SV2B: variants seen among roughly 807,000 people sequenced by gnomAD.
The protein encoded by SV2B is solute carrier family 22 member B2.
Under a neutral mutation model 73.9 loss-of-function variants are expected in SV2B, and 41 were observed. The ratio of observed to expected loss-of-function variants is 0.56; its 90% CI spans 0.43 to 0.72. The LOEUF is 0.72. Among genes scored for constraint, SV2B ranks in the 30% least tolerant of loss-of-function variants. The pLI, the probability that SV2B is intolerant of heterozygous loss-of-function variation, is 0.00. For synonymous variants in SV2B, 314 were observed against 314.2 expected, an observed-to-expected ratio of 1.00 and a Z score of 0.01; for missense variants, 764 against 857.8, an observed-to-expected ratio of 0.89 and a Z score of 1.37.
At chr15:91,102,097 A>G (rs1012682892) in intron 1 of SV2B, 1 of 152,228 alleles carries the variant, frequency 6.6e-6, no homozygotes, top group African/African-American at 2.4e-5. Context: ...AGGGAAAACT[A>G]AAGCTGTTAC....
rs188113760 is a variant in SV2B, at chr15:91,233,132, G to A, written c.451+6418G>A. 9.9e-5 allele frequency among the ~76,000 whole-genome samples: 15 copies of A among 152,092 alleles called. No homozygotes were observed. The East Asian group carries it at 1.7e-3, about 18-fold the overall frequency. ...CGTTGATGGGCACTTATGTTGATTC[G>A]ACGTTAAAGACCCTTTTGACTCTAT... On this transcript the variant is annotated intron_variant, in intron 2 of 12. Coordinates refer to ENST00000394232, the MANE Select transcript of SV2B (RefSeq NM_001323032.3).
rs545906239 is a variant in SV2B at position 91,224,125 on chromosome 15, G to A, written c.-391-1748G>A. Among the ~76,000 whole-genome samples the A allele has an allele frequency of 2.0e-5, 3 of 152,380 alleles. No homozygotes were observed. Among genetic ancestry groups the A allele is most frequent in the East Asian group, 3.9e-4 (2 of 5,192 alleles). On this transcript the variant is annotated intron_variant, in intron 1 of 12. Coordinates refer to ENST00000394232, the MANE Select transcript of SV2B (RefSeq NM_001323032.3). This position sits in a 1 kb window ranked among gnomAD's most constrained non-coding sequence, Gnocchi z 4.9. ...GAAGACCAGGAGGGCCAGGAAGCAG[G>A]TGTGGGGCAGAGGGCCCAGGGATGG... is the stretch of plus-strand genomic sequence containing the variant.
chr15:91,174,962 A>T (rs11858835), intron 1 of SV2B, among the ~76,000 whole-genome samples: 1 of 151,946 alleles, frequency 6.6e-6, no homozygotes, highest in Non-Finnish European at 1.5e-5. Context: ...GAGATGGATC[A>T]CCATGAAGTT....
chr15:91,284,218 A>G lies in SV2B; in HGVS notation c.1705A>G (p.Ile569Val). The G allele has an allele frequency of 6.2e-7, 1 of 1,614,124 alleles. No homozygotes were observed. The highest frequency in any genetic ancestry group is 8.5e-7 in the Non-Finnish European group (1 of 1,179,988). Residue 569 changes from isoleucine (I) to valine (V), a missense_variant, in exon 11 of 13, where the codon ATT becomes GTT. By Grantham distance (29) the Ile-to-Val change is conservative. Coordinates refer to ENST00000394232, the MANE Select transcript of SV2B (RefSeq NM_001323032.3). This position sits in a 1 kb window ranked among gnomAD's most constrained non-coding sequence, Gnocchi z 4.5. ...LMDRIGRLKM[I>V]GGSMLISAVC... ...GGATAGAATTGGAAGGCTCAAGATG[A>G]TTGGTGAGTTGCCAGCAGGGTCATT...
chr15:91,099,662 C>G (rs138485645), upstream of SV2B, among the ~76,000 whole-genome samples: 1 of 152,322 alleles, frequency 6.6e-6, no homozygotes, highest in East Asian at 1.9e-4. Context: ...CCAAGCCTTG[C>G]AGGCTTTCCT....
At chr15:91,190,110 C>T (rs1280828214) in intron 1 of SV2B, among the ~76,000 whole-genome samples, 2 of 152,046 alleles carry the variant, frequency 1.3e-5, no homozygotes, top group East Asian at 1.9e-4. Flanking sequence ...AAGAGAAATG[C>T]TATTTTTTTA....
Position 91,289,027 on chromosome 15 carries a change from C to T in SV2B, c.1709-494C>T, listed in dbSNP as rs1242437386. Among the ~76,000 whole-genome samples, 1 of 152,208 alleles carries T rather than the reference C, an allele frequency of 6.6e-6. No individual in the cohort carries two copies. The highest frequency in any genetic ancestry group is 1.5e-5 in the Non-Finnish European group (1 of 68,038). On this transcript the variant is annotated intron_variant, in intron 11 of 12. Coordinates refer to ENST00000394232, the MANE Select transcript of SV2B (RefSeq NM_001323032.3). This position sits in a 1 kb window ranked among gnomAD's most constrained non-coding sequence, Gnocchi z 4.9. ...ATGTAAACCACATTTTCTTTATCCA[C>T]TCATCTGTTGATGGCCACTTAGGTT...
intron 1 of SV2B, among the ~76,000 whole-genome samples, chr15:91,148,049 C>T (rs190743920): frequency 3.5e-4 from 45 of 128,372 alleles, no homozygotes; most frequent in African/African-American, 1.2e-3. Flanking sequence ...GGTGCAATCT[C>T]GGCTCACTGC....
chr15:91,161,657 A>T (rs1230436761), intron 1 of SV2B, among the ~76,000 whole-genome samples: 1 of 152,212 alleles, frequency 6.6e-6, no homozygotes, highest in African/African-American at 2.4e-5. Flanking sequence ...GAACTGAGGC[A>T]TAGGAAGGTT....
rs899672375 is a variant in SV2B, at chr15:91,283,813, T to G, written c.1508-208T>G. On this transcript the variant is annotated intron_variant, in intron 10 of 12. Coordinates refer to ENST00000394232, the MANE Select transcript of SV2B (RefSeq NM_001323032.3). This position sits in a 1 kb window ranked among gnomAD's most constrained non-coding sequence, Gnocchi z 4.3. The stretch of plus-strand genomic sequence containing the variant: ...TTAATTTCCCCTTGCTTTTAGGAAC[T>G]TGAACAGGTCATTACATTTTTGGAA... 2.0e-5 allele frequency among the ~76,000 whole-genome samples: 3 copies of G among 148,420 alleles called. No homozygotes were observed. The highest frequency in any genetic ancestry group is 4.5e-5 in the Non-Finnish European group (3 of 67,200).
intron 1 of SV2B, among the ~76,000 whole-genome samples, chr15:91,225,087 T>A (rs1031898326): frequency 2.6e-5 from 4 of 152,366 alleles, no homozygotes; most frequent in African/African-American, 4.8e-5. Flanking sequence ...TAAGTACTAT[T>A]GTTATCCCAT....
At chr15:91,286,768 C>T (rs2048874216) in intron 11 of SV2B, among the ~76,000 whole-genome samples, 2 of 152,114 alleles carry the variant, frequency 1.3e-5, no homozygotes, top group African/African-American at 4.8e-5. Context: ...GGTGAAGCAA[C>T]TCACTCACGG....
chr15:91,182,975 G>A (rs1307339447), intron 1 of SV2B, among the ~76,000 whole-genome samples: 1 of 152,196 alleles, frequency 6.6e-6, no homozygotes, highest in Non-Finnish European at 1.5e-5. Flanking sequence ...TTGAGTACCT[G>A]TTATGTGCCA....
chr15:91,283,458 C>G lies in SV2B; in HGVS notation c.1508-563C>G, dbSNP rs539988300. ...GAGATGATTTTTTTTTTTTTAAAGGCAAGGTCTCCCTCTTTTGCCCAGGCT... is the reference window on the plus strand; with the variant it reads ...GAGATGATTTTTTTTTTTTTAAAGGGAAGGTCTCCCTCTTTTGCCCAGGCT... On this transcript the variant is annotated intron_variant, in intron 10 of 12. Coordinates refer to ENST00000394232, the MANE Select transcript of SV2B (RefSeq NM_001323032.3). The surrounding 1 kb of genome is among the most constrained non-coding windows in gnomAD (Gnocchi z 4.3). Among the ~76,000 whole-genome samples the G allele has an allele frequency of 8.6e-4, 131 of 151,626 alleles. No individual in the cohort carries two copies. Among genetic ancestry groups the G allele is most frequent in the African/African-American group, 3.1e-3 (127 of 41,288 alleles).
At chr15:91,171,140 T>G (rs981471340) in intron 1 of SV2B, among the ~76,000 whole-genome samples, 5 of 152,216 alleles carry the variant, frequency 3.3e-5, no homozygotes, top group Non-Finnish European at 2.9e-5. Context: ...TTAACTATTA[T>G]GCTATGGAAA....
chr15:91,285,489 C>G (rs1384947005), intron 11 of SV2B, among the ~76,000 whole-genome samples: 1 of 152,166 alleles, frequency 6.6e-6, no homozygotes, highest in African/African-American at 2.4e-5. Flanking sequence ...TAGGTTAGCC[C>G]CAAACACCAA....
At chr15:91,235,505 G>A (rs775514095) in intron 2 of SV2B, among the ~76,000 whole-genome samples, 2 of 151,972 alleles carry the variant, frequency 1.3e-5, no homozygotes, top group Non-Finnish European at 2.9e-5. Context: ...AGCAAGCTCC[G>A]TACTCTCAAG....
chr15:91,268,541 G>A lies in SV2B; in HGVS notation c.1309G>A (p.Gly437Ser), dbSNP rs753827490. Residue 437 changes from glycine to serine, a missense_variant, in exon 9 of 13, where the codon GGC becomes AGC. Coordinates refer to ENST00000394232, the MANE Select transcript of SV2B (RefSeq NM_001323032.3). The surrounding 1 kb of genome is among the most constrained non-coding windows in gnomAD (Gnocchi z 4.4). ...GGTGTTTTTTGGTGAGCATGTGTACGGCGCCACAATCAACTTCACGATGGA... is the reference window on the plus strand; with the variant it reads ...GGTGTTTTTTGGTGAGCATGTGTACAGCGCCACAATCAACTTCACGATGGA... ...MKVFFGEHVY[G>S]ATINFTMENQ... 30 of 1,613,804 alleles carry A rather than the reference G, an allele frequency of 1.9e-5. No homozygotes were observed. Among genetic ancestry groups the A allele is most frequent in the African/African-American group, 6.7e-5 (5 of 74,894 alleles).
rs1476357909 is a variant in SV2B, at chr15:91,298,676, C to T, written c.*6124C>T. On this transcript the variant is annotated 3_prime_UTR_variant, in exon 13 of 13. Coordinates refer to ENST00000394232, the MANE Select transcript of SV2B (RefSeq NM_001323032.3). The surrounding 1 kb of genome is among the most constrained non-coding windows in gnomAD (Gnocchi z 5.4). The stretch of plus-strand genomic sequence containing the variant: ...CACCTGAAAACACACATTTAGCTGT[C>T]CATTTACCTTTAATCCTACAGGCTT... 2 of 152,178 alleles carry T rather than the reference C, an allele frequency of 1.3e-5. No individual in the cohort carries two copies. The highest frequency in any genetic ancestry group is 2.9e-5 in the Non-Finnish European group (2 of 68,020). 9.4% of individuals were successfully genotyped at this position (152,178 alleles called of 1,614,324 possible).
Sources: allele counts gnomAD v4.1 joint callset (sites outside exome capture counted in the v4.1 genomes callset), GRCh38; gene constraint gnomAD v4.1.1; non-coding constraint Gnocchi (gnomAD v3.1); transcripts MANE v1.5; gene names NCBI Gene and HGNC (gene_info 2026-07-23, HGNC 2026-07-21).